The following HECW1 variants were observed in gnomAD, a reference collection of about 807,000 sequenced individuals.
HECW1 encodes the protein E3 ubiquitin-protein ligase HECW1.
HECW1 carries 61 observed loss-of-function variants against 182.3 expected under a neutral mutation model. That is an observed-to-expected ratio of 0.33 (90% CI 0.27 to 0.41). The LOEUF is 0.41. Ranked by LOEUF, HECW1 falls within the 10% of genes least tolerant of loss-of-function variation. The pLI is 1.00. For synonymous variants in HECW1, 859 were observed against 832.6 expected, an observed-to-expected ratio of 1.03 and a Z score of -0.55; for missense variants, 1,739 against 2,108.9, an observed-to-expected ratio of 0.82 and a Z score of 3.44.
intron 14 of HECW1, among the ~76,000 whole-genome samples, chr7:43,466,013 A>G (rs1584993345): frequency 1.3e-5 from 1 of 79,222 alleles, no homozygotes; most frequent in Non-Finnish European, 2.3e-5. Flanking sequence ...GGGAGGAGGG[A>G]GGGACAGAGG....
intron 7 of HECW1, among the ~76,000 whole-genome samples, chr7:43,405,040 A>T (rs867735633): frequency 3.9e-5 from 6 of 152,310 alleles, no homozygotes; most frequent in African/African-American, 1.2e-4. Flanking sequence ...TTCAAATCTC[A>T]TCTCTGATGT....
chr7:43,285,927 G>C (rs561527816), intron 3 of HECW1, among the ~76,000 whole-genome samples: 1 of 152,368 alleles, frequency 6.6e-6, no homozygotes, highest in African/African-American at 2.4e-5. Flanking sequence ...TATACTGAAA[G>C]TACTAGGAAT....
rs1009667823 is a variant in HECW1, at chr7:43,174,011, A to T, written c.-32+59620A>T. On this transcript the variant is annotated intron_variant, in intron 2 of 29. Transcript: ENST00000395891. ...CACCATCACACCTGGCTAATTTTTT[A>T]AAATTTTCTTGTAGAGACAATGTCT... 2.0e-5 allele frequency among the ~76,000 whole-genome samples: 3 copies of T among 152,018 alleles called. No individual in the cohort carries two copies. In the South Asian group the frequency reaches 6.2e-4, roughly 32 times the overall value.
chr7:43,296,084 T>G (rs1234071692), intron 3 of HECW1, among the ~76,000 whole-genome samples: 1 of 152,220 alleles, frequency 6.6e-6, no homozygotes, highest in African/African-American at 2.4e-5. Context: ...GTTAAAATGT[T>G]ATGGTTATTG....
chr7:43,235,910 C>T (rs78413089), intron 2 of HECW1, among the ~76,000 whole-genome samples: 2,560 of 152,200 alleles, frequency 0.017, 78 homozygotes, highest in African/African-American at 0.059. Context: ...AATGAAGTGC[C>T]GGGCACGGTG....
At chr7:43,241,436 C>CT in intron 2 of HECW1, 1 of 152,228 alleles carries the variant, frequency 6.6e-6, no homozygotes, top group East Asian at 1.9e-4. Context: ...TGCTCTCATT[C>CT]TTTTTTTATT....
At chr7:43,276,078 G>A (rs1451578030) in intron 3 of HECW1, among the ~76,000 whole-genome samples, 2 of 152,168 alleles carry the variant, frequency 1.3e-5, no homozygotes, top group East Asian at 1.9e-4. Context: ...CTCTGCTCTG[G>A]TTCCTGTTGA....
At chr7:43,163,980 C>T (rs1425541877) in intron 2 of HECW1, among the ~76,000 whole-genome samples, 1 of 152,132 alleles carries the variant, frequency 6.6e-6, no homozygotes, top group African/African-American at 2.4e-5. Flanking sequence ...CCTTGGGTGA[C>T]AGGAGGTGGG....
intron 29 of HECW1, among the ~76,000 whole-genome samples, chr7:43,559,839 G>A (rs371514188): frequency 1.3e-5 from 2 of 152,232 alleles, no homozygotes; most frequent in African/African-American, 4.8e-5. Context: ...GTTCATTCTA[G>A]ATGACAAACT....
chr7:43,442,295 A>G (rs1483527758), intron 9 of HECW1, among the ~76,000 whole-genome samples: 1 of 152,216 alleles, frequency 6.6e-6, no homozygotes, highest in Non-Finnish European at 1.5e-5. Flanking sequence ...TATTAAATGC[A>G]TTTTTGAATT....
At chr7:43,422,519 C>A (rs545050653) in intron 8 of HECW1, among the ~76,000 whole-genome samples, 1 of 151,882 alleles carries the variant, frequency 6.6e-6, no homozygotes, top group Non-Finnish European at 1.5e-5. Flanking sequence ...CACATCACTA[C>A]GCCTGGTTAA....
chr7:43,285,954 G>C (rs1343094181), intron 3 of HECW1, among the ~76,000 whole-genome samples: 1 of 152,148 alleles, frequency 6.6e-6, no homozygotes, highest in Non-Finnish European at 1.5e-5. Context: ...TTTGGCAAAG[G>C]CCAGTGGTCT....
chr7:43,468,815 CTG>C (rs1249327867), intron 15 of HECW1, 103 bp from the exon 16 acceptor site: 2 of 973,450 alleles, frequency 2.1e-6, no homozygotes, highest in Non-Finnish European at 3.1e-6. Flanking sequence ...CAATAAACTG[CTG>C]TGTCACAATC....
chr7:43,550,346 G>A, intron 26 of HECW1, 99 bp from the exon 27 acceptor site: 1 of 1,304,294 alleles, frequency 7.7e-7, no homozygotes, highest in South Asian at 1.3e-5. Flanking sequence ...ATGCCCTGTA[G>A]AGGATTTTTG....
chr7:43,132,226 A>G, intron 2 of HECW1, among the ~76,000 whole-genome samples: 1 of 150,908 alleles, frequency 6.6e-6, no homozygotes, highest in African/African-American at 2.4e-5. Flanking sequence ...AAGTCTATAT[A>G]TTATAGATGT....
At chr7:43,127,523 C>CAAAAAAAAAAAAAAAAAAAAAAAAAAAA in intron 2 of HECW1, among the ~76,000 whole-genome samples, 1 of 57,280 alleles carries the variant, frequency 1.7e-5, no homozygotes, top group Non-Finnish European at 3.2e-5. Flanking sequence ...AACTCCATCT[C>CAAAAAAAAAAAAAAAAAAAAAAAAAAAA]AAAAAAAAAA....
chr7:43,256,212 T>C (rs1407255116), intron 3 of HECW1, among the ~76,000 whole-genome samples: 1 of 152,152 alleles, frequency 6.6e-6, no homozygotes, highest in Non-Finnish European at 1.5e-5. Context: ...ATAGTAAATG[T>C]GAAAAGTGAG....
chr7:43,281,819 C>G (rs958804851), intron 3 of HECW1, among the ~76,000 whole-genome samples: 3 of 150,854 alleles, frequency 2.0e-5, no homozygotes, highest in East Asian at 3.9e-4. Context: ...CCTTAGCCTC[C>G]CAAGTAGCTG....
chr7:43,534,919 G>A (rs2081121454), intron 24 of HECW1, among the ~76,000 whole-genome samples: 1 of 152,136 alleles, frequency 6.6e-6, no homozygotes, highest in Non-Finnish European at 1.5e-5. Flanking sequence ...CTATGGATAG[G>A]AATTCATTAG....
Sources: gnomAD v4.1 joint callset for allele counts (sites outside exome capture counted in the v4.1 genomes callset) on GRCh38, gnomAD v4.1.1 for gene constraint, MANE v1.5 for transcripts, NCBI Gene and HGNC (gene_info 2026-07-23, HGNC 2026-07-21) for gene names.